Variants in SUCLG2 observed in about 807,000 individuals in gnomAD.
SUCLG2 encodes the protein succinate-CoA ligase GDP-forming subunit beta, also known as succinate--CoA ligase [GDP-forming] subunit beta, mitochondrial.
In SUCLG2, 42 loss-of-function variants were observed where a neutral mutation model predicts 47.9. That is an observed-to-expected ratio of 0.88 (90% confidence interval 0.69 to 1.14). The LOEUF (loss-of-function observed/expected upper bound fraction) is 1.14. SUCLG2 is among the 50% of genes most tolerant of loss of function. SUCLG2 has a pLI of 0.00. For synonymous variants in SUCLG2, 195 were observed against 197.3 expected, an observed-to-expected ratio of 0.99 and a Z score of 0.10; for missense variants, 571 against 525.9, an observed-to-expected ratio of 1.09 and a Z score of -0.84.
chr3:67,626,025 T>TATATATATATA (rs55738024), intron 1 of SUCLG2, among the ~76,000 whole-genome samples: 1 of 69,492 alleles, frequency 1.4e-5, no homozygotes, highest in African/African-American at 4.7e-5. Context: ...TATATTTACA[T>TATATATATATA]TTTTTTTTTT....
intron 7 of SUCLG2, among the ~76,000 whole-genome samples, chr3:67,499,889 G>A (rs1349900498): frequency 6.6e-6 from 1 of 151,970 alleles, no homozygotes; most frequent in Admixed American, 6.6e-5. Flanking sequence ...GTGCCACCAT[G>A]CCCAGGTAAT....
intron 9 of SUCLG2, among the ~76,000 whole-genome samples, chr3:67,471,281 G>T (rs1464237082): frequency 2.6e-5 from 4 of 152,164 alleles, no homozygotes; most frequent in Admixed American, 2.6e-4. Context: ...AGGGTGATGA[G>T]GGAAATAAAT....
chr3:67,559,287 C>T (rs2634739), intron 2 of SUCLG2, among the ~76,000 whole-genome samples: 17,936 of 152,092 alleles, frequency 0.12, 1,589 homozygotes, highest in East Asian at 0.44. Context: ...TTTCACAATG[C>T]TATAAATATA....
chr3:67,631,271 C>T (rs904711443), intron 1 of SUCLG2, among the ~76,000 whole-genome samples: 1 of 152,176 alleles, frequency 6.6e-6, no homozygotes, highest in African/African-American at 2.4e-5. Context: ...AGATGACCCT[C>T]TTGTTACCTG....
chr3:67,585,075 CTTAA>C (rs1707982077), intron 2 of SUCLG2, among the ~76,000 whole-genome samples: 1 of 152,158 alleles, frequency 6.6e-6, no homozygotes, highest in Non-Finnish European at 1.5e-5. Flanking sequence ...CAATACATAA[CTTAA>C]TTAGCTTGTC....
intron 2 of SUCLG2, among the ~76,000 whole-genome samples, chr3:67,567,712 C>T (rs1398760991): frequency 6.6e-6 from 1 of 152,060 alleles, no homozygotes; most frequent in Non-Finnish European, 1.5e-5. Flanking sequence ...TTTTCACATT[C>T]GAAGACCCTA....
chr3:67,397,641 A>C (rs1246271381), intron 10 of SUCLG2, among the ~76,000 whole-genome samples: 1 of 152,144 alleles, frequency 6.6e-6, no homozygotes, highest in Non-Finnish European at 1.5e-5. Flanking sequence ...GCTACCAATG[A>C]CTTTCTTCAC....
chr3:67,593,443 C>T (rs1431522219), intron 2 of SUCLG2, among the ~76,000 whole-genome samples: 3 of 152,184 alleles, frequency 2.0e-5, no homozygotes, highest in Non-Finnish European at 4.4e-5. Flanking sequence ...TTCAATCGGT[C>T]TAACACATCC....
At chr3:67,522,040 A>ATTTATTTC (rs1231037164) in intron 4 of SUCLG2, among the ~76,000 whole-genome samples, 1 of 151,022 alleles carries the variant, frequency 6.6e-6, no homozygotes, top group Non-Finnish European at 1.5e-5. Context: ...TTATTTATTT[A>ATTTATTTC]TTTATCTATT....
At chr3:67,376,116 G>A in intron 10 of SUCLG2, 2 of 985,474 alleles carry the variant, frequency 2.0e-6, no homozygotes, top group Non-Finnish European at 2.4e-6. Flanking sequence ...AAGCTGAGTT[G>A]TCTGCTGATA....
At chr3:67,610,403 ACAGT>A (rs1464877212) in intron 1 of SUCLG2, among the ~76,000 whole-genome samples, 3 of 152,200 alleles carry the variant, frequency 2.0e-5, no homozygotes, top group Admixed American at 6.5e-5. Context: ...TTAAAAGGAC[ACAGT>A]CAAAGGACAC....
At position 67,457,793 on chromosome 3, in the gene SUCLG2, A is replaced by G. The variant is rs577100007; in HGVS notation, c.1062+38005T>C. Among the ~76,000 whole-genome samples the G allele has an allele frequency of 2.7e-5, 4 of 145,462 alleles. No homozygotes were observed. In the East Asian group the frequency reaches 8.4e-4, roughly 30 times the overall value. On this transcript the variant is annotated intron_variant, in intron 9 of 10. Coordinates refer to ENST00000307227, the MANE Select transcript of SUCLG2 (RefSeq NM_003848.4). Reference sequence around the variant, plus strand: ...CAATAACATTTATGGGACCTTTACCATGCATGAGACACAGTGGTACATGCT... The same window carrying G: ...CAATAACATTTATGGGACCTTTACCGTGCATGAGACACAGTGGTACATGCT...
At chr3:67,536,093 G>A (rs1038667746) in intron 2 of SUCLG2, among the ~76,000 whole-genome samples, 1 of 152,068 alleles carries the variant, frequency 6.6e-6, no homozygotes, top group Non-Finnish European at 1.5e-5. Flanking sequence ...TTCTCTCGTC[G>A]ACCATAACCA....
At chr3:67,540,932 T>C (rs919534061) in intron 2 of SUCLG2, among the ~76,000 whole-genome samples, 1 of 152,104 alleles carries the variant, frequency 6.6e-6, no homozygotes, top group Non-Finnish European at 1.5e-5. Context: ...GCCAGCAAAT[T>C]CCAGCAGAAA....
intron 2 of SUCLG2, among the ~76,000 whole-genome samples, chr3:67,562,225 A>C (rs1030948081): frequency 6.6e-6 from 1 of 151,578 alleles, no homozygotes; most frequent in African/African-American, 2.4e-5. Flanking sequence ...GCATTCCTTC[A>C]TGTTTGCACT....
At chr3:67,504,138 CT>C (rs1316076078) in intron 7 of SUCLG2, among the ~76,000 whole-genome samples, 1 of 151,592 alleles carries the variant, frequency 6.6e-6, no homozygotes, top group Non-Finnish European at 1.5e-5. Flanking sequence ...CCTTAAAATG[CT>C]GATACTTTCA....
intron 9 of SUCLG2, among the ~76,000 whole-genome samples, chr3:67,427,218 A>G (rs2106874253): frequency 6.6e-6 from 1 of 152,294 alleles, no homozygotes; most frequent in East Asian, 1.9e-4. Flanking sequence ...AAAGTAGCCT[A>G]CCAATTCACA....
chr3:67,403,495 G>C (rs952664182), intron 9 of SUCLG2, among the ~76,000 whole-genome samples: 10 of 151,750 alleles, frequency 6.6e-5, no homozygotes, highest in Non-Finnish European at 1.0e-4. Flanking sequence ...TTAAGTTTTG[G>C]GATATGGAGA....
At chr3:67,376,609 C>G (rs1055182467) in intron 10 of SUCLG2, 1 of 670,602 alleles carries the variant, frequency 1.5e-6, no homozygotes, top group Non-Finnish European at 1.8e-6. Flanking sequence ...TATTTATAAA[C>G]AAAGACCTTG....
Sources: allele counts gnomAD v4.1 joint callset (sites outside exome capture counted in the v4.1 genomes callset), GRCh38; gene constraint gnomAD v4.1.1; transcripts MANE v1.5; gene names NCBI Gene and HGNC (gene_info 2026-07-23, HGNC 2026-07-21).